The following AOC2 variants were observed in gnomAD, a reference collection of about 807,000 sequenced individuals.
AOC2 encodes the protein amine oxidase copper containing 2.
In AOC2, 57 loss-of-function variants were observed where a neutral mutation model predicts 53.8. The observed-to-expected ratio is 1.06, with a 90% CI of 0.86 to 1.32. AOC2 has a LOEUF of 1.32. Ranked by LOEUF, AOC2 falls within the 40% of genes most tolerant of loss-of-function variation. The probability of loss-of-function intolerance (pLI) is 0.00; values close to 1 mark genes in which losing one functional copy is unlikely to be tolerated. For missense variants in AOC2, 1,008 were observed against 957.2 expected, an observed-to-expected ratio of 1.05 and a Z score of -0.70; for synonymous variants, 404 against 399.0, an observed-to-expected ratio of 1.01 and a Z score of -0.15.
chr17:42,845,453 A>G lies in AOC2; in HGVS notation c.827A>G (p.Lys276Arg), dbSNP rs746615116. The G allele has an allele frequency of 5.0e-6, 8 of 1,614,028 alleles. No homozygotes were observed. Among genetic ancestry groups the G allele is most frequent in the Admixed American group, 1.7e-5 (1 of 60,006 alleles). ...TTGGGCCAGTTGGAACGGGAGTTTA[A>G]GTCTGGCCGGTTGGAAGTGGTTAGA... ...ADLGQLEREF[K>R]SGRLEVVRVP... Residue 276 changes from lysine (K) to arginine (R), a missense_variant, in exon 1 of 4, where the codon AAG (lysine) becomes AGG (arginine). Coordinates refer to ENST00000253799, the MANE Select transcript of AOC2 (RefSeq NM_009590.4).
At chr17:42,848,590 G>A (rs2055618592) in intron 1 of AOC2, among the ~76,000 whole-genome samples, 1 of 141,542 alleles carries the variant, frequency 7.1e-6, no homozygotes, top group Non-Finnish European at 1.5e-5. Flanking sequence ...TTGCTCTGTT[G>A]CCCAGGCTAG....
chr17:42,845,017 C>G lies in AOC2; in HGVS notation c.391C>G (p.Gln131Glu). 1 of 1,613,776 alleles carries G rather than the reference C, an allele frequency of 6.2e-7. No individual in the cohort carries two copies. Among genetic ancestry groups the G allele is most frequent in the Non-Finnish European group, 8.5e-7 (1 of 1,179,930 alleles). ...LAIVLFGGQP[Q>E]PNVSELVVGP... is the part of the protein sequence containing the mutation. ...CATCGTCCTCTTTGGTGGACAACCCCAACCCAATGTGAGTGAGCTGGTGGT... is the reference window on the plus strand; with the variant it reads ...CATCGTCCTCTTTGGTGGACAACCCGAACCCAATGTGAGTGAGCTGGTGGT... The change falls in exon 1 of 4, where the codon CAA (glutamine) becomes GAA (glutamate). Residue 131 changes from glutamine to glutamate, a missense_variant. By Grantham distance (29) the Gln-to-Glu change is conservative. Coordinates refer to ENST00000253799, the MANE Select transcript of AOC2 (RefSeq NM_009590.4).
In AOC2 at chr17:42,845,330, ACC is replaced by A; in HGVS notation, c.707_708del (p.Pro236ArgfsTer40). ...ATCTCAGGGGTTGGTCTTTTCCTTC[ACC>A]CCGTGGGGCTGGAGCTACTACTGGA... On this transcript the variant is annotated frameshift_variant, in exon 1 of 4. Coordinates refer to ENST00000253799, the MANE Select transcript of AOC2 (RefSeq NM_009590.4). LOFTEE classifies it high-confidence loss of function. 2 of 1,613,524 alleles carry A rather than the reference ACC, an allele frequency of 1.2e-6. No individual in the cohort carries two copies. Among genetic ancestry groups the A allele is most frequent in the Non-Finnish European group, 8.5e-7 (1 of 1,179,872 alleles).
At chr17:42,847,585 G>T (rs1333621298) in intron 1 of AOC2, among the ~76,000 whole-genome samples, 2 of 152,196 alleles carry the variant, frequency 1.3e-5, no homozygotes, top group East Asian at 3.8e-4. Flanking sequence ...TGAAGTCTCA[G>T]AGCTGGGAGG....
intron 1 of AOC2, among the ~76,000 whole-genome samples, chr17:42,848,062 G>C (rs927031106): frequency 7.2e-6 from 1 of 138,216 alleles, no homozygotes; most frequent in African/African-American, 3.1e-5. Flanking sequence ...TACCATGCCC[G>C]GCCTTTTTTT....
At chr17:42,849,417 C>T (rs2055628671) in intron 2 of AOC2, 46 bp downstream of exon 2, 1 of 1,594,584 alleles carries the variant, frequency 6.3e-7, no homozygotes, top group African/African-American at 1.3e-5. Context: ...CAGCCCCTCC[C>T]CTGCCCCAGT....
In AOC2 at chr17:42,850,083, A is replaced by T. The variant is rs745592498; in HGVS notation, c.2006A>T (p.Asp669Val). Residue 669 changes from aspartate (D) to valine (V), a missense_variant and splice_region_variant, in exon 4 of 4, where the codon GAT (aspartate) becomes GTT (valine). By Grantham distance (152) the Asp-to-Val change is radical (BLOSUM62 -3). Transcript: ENST00000253799. ...TCCAGCTCCTCCTTCTTCTTGCAGG[A>T]TCTGGTGGCTTGGGTCACAGCCAGC... ...FINNETLLGE[D>V]LVAWVTASFL... 29 of 1,612,560 alleles carry T rather than the reference A, an allele frequency of 1.8e-5. No individual in the cohort carries two copies. The highest frequency in any genetic ancestry group is 2.4e-5 in the Non-Finnish European group (28 of 1,178,784).
At position 42,850,019 on chromosome 17, in the gene AOC2, G is replaced by C; in HGVS notation, c.2005-63G>C. The C allele has an allele frequency of 2.5e-6, 4 of 1,569,310 alleles. No homozygotes were observed. In the South Asian group the frequency reaches 3.6e-5, roughly 14 times the overall value. On this transcript the variant is annotated intron_variant, in intron 3 of 3. Coordinates refer to ENST00000253799, the MANE Select transcript of AOC2 (RefSeq NM_009590.4). ...GGCTGAGACTGGAGGCTGGGATTGTGACTGAAGGGTGGTTCTTTGGGTCAC... is the reference window on the plus strand; with the variant it reads ...GGCTGAGACTGGAGGCTGGGATTGTCACTGAAGGGTGGTTCTTTGGGTCAC...
intron 1 of AOC2, among the ~76,000 whole-genome samples, chr17:42,847,676 C>T (rs1454377465): frequency 1.3e-5 from 2 of 151,842 alleles, no homozygotes; most frequent in African/African-American, 2.4e-5. Flanking sequence ...TGGAGTGCAG[C>T]GGTGCAATCA....
At chr17:42,848,996 C>T (rs1220050529) in intron 1 of AOC2, 90 bp from the exon 2 acceptor site, 2 of 1,348,760 alleles carry the variant, frequency 1.5e-6, no homozygotes, top group Non-Finnish European at 2.0e-6. Flanking sequence ...TTTTGTCACA[C>T]CAGTGCAGTG....
In AOC2 at chr17:42,849,136, G is replaced by GC; in HGVS notation, c.1644dup (p.Trp549LeufsTer39). On this transcript the variant is annotated frameshift_variant, in exon 2 of 4. Transcript: ENST00000253799. LOFTEE classifies it high-confidence loss of function. ...AGACGTGGTGTTTAAACCTGTGGCT[G>GC]CCCCCTGGAACCCGGAGCACTGGCT... The GC allele has an allele frequency of 1.2e-6, 2 of 1,614,024 alleles. No homozygotes were observed. Among genetic ancestry groups the GC allele is most frequent in the South Asian group, 1.1e-5 (1 of 91,070 alleles).
intron 1 of AOC2, among the ~76,000 whole-genome samples, chr17:42,846,986 A>C (rs2055604659): frequency 6.6e-6 from 1 of 152,224 alleles, no homozygotes; most frequent in Non-Finnish European, 1.5e-5. Flanking sequence ...GGGACAGGAA[A>C]TGACTGCCCA....
chr17:42,848,391 G>T (rs1001795441), intron 1 of AOC2, among the ~76,000 whole-genome samples: 1 of 151,450 alleles, frequency 6.6e-6, no homozygotes, highest in Non-Finnish European at 1.5e-5. Flanking sequence ...GGGACTGTTT[G>T]GTAGTCCAGT....
chr17:42,848,242 C>T (rs1439018520), intron 1 of AOC2, among the ~76,000 whole-genome samples: 2 of 151,714 alleles, frequency 1.3e-5, no homozygotes, highest in Non-Finnish European at 2.9e-5. Flanking sequence ...AGACAAATAT[C>T]ATTATCCCTT....
intron 1 of AOC2, among the ~76,000 whole-genome samples, chr17:42,846,649 C>T (rs1288549252): frequency 1.3e-5 from 2 of 151,988 alleles, no homozygotes; most frequent in Non-Finnish European, 2.9e-5. Context: ...TGTCCAGAGT[C>T]TTCAGGGTGG....
At position 42,846,059 on chromosome 17, in the gene AOC2, C is replaced by CACTT; in HGVS notation, c.1434_1437dup (p.Glu480ThrfsTer2). On this transcript the variant is annotated frameshift_variant, in exon 1 of 4. Coordinates refer to ENST00000253799, the MANE Select transcript of AOC2 (RefSeq NM_009590.4). LOFTEE classifies it high-confidence loss of function. ...GACTTTGTGTTGTACCCAAATGGGG[C>CACTT]ACTTGAAGGGCGGGTCCATGCCACG... is the stretch of plus-strand genomic sequence containing the variant. 2.5e-6 allele frequency: 4 copies of CACTT among 1,608,460 alleles called. No homozygotes were observed. The highest frequency in any genetic ancestry group is 3.4e-6 in the Non-Finnish European group (4 of 1,175,612).
At position 42,845,417 on chromosome 17, in the gene AOC2, A is replaced by G. The variant is rs1266315114; in HGVS notation, c.791A>G (p.Tyr264Cys). 3 of 1,614,100 alleles carry G rather than the reference A, an allele frequency of 1.9e-6. No homozygotes were observed. Among genetic ancestry groups the G allele is most frequent in the Non-Finnish European group, 2.5e-6 (3 of 1,180,008 alleles). The change falls in exon 1 of 4, where the codon TAC becomes TGC. Residue 264 changes from tyrosine to cysteine, a missense_variant. Physicochemically the swap from Tyr to Cys is radical, Grantham distance 194. Transcript: ENST00000253799. ...CAGCAGGTCTTCTACCTTGGGCACT[A>G]CTATGCAGACTTGGGCCAGTTGGAA... ...TVQQVFYLGHYYADLGQLERE... is the reference protein window; with the variant it reads ...TVQQVFYLGHCYADLGQLERE...
Position 42,845,287 on chromosome 17 carries a change from A to G in AOC2, c.661A>G (p.Met221Val). ...GCGCTCAGGGGACCGAGCTACCTGG[A>G]TGGCCCTCTACCATAACATCTCAGG... ...GLRSGDRATWMALYHNISGVG... is the reference protein window; with the variant it reads ...GLRSGDRATWVALYHNISGVG... Residue 221 changes from methionine to valine, a missense_variant, in exon 1 of 4, where the codon ATG (methionine) becomes GTG (valine). Physicochemically the swap from Met to Val is conservative, Grantham distance 21. Coordinates refer to ENST00000253799, the MANE Select transcript of AOC2 (RefSeq NM_009590.4). 1 of 1,614,096 alleles carries G rather than the reference A, an allele frequency of 6.2e-7. No individual in the cohort carries two copies. The highest frequency in any genetic ancestry group is 8.5e-7 in the Non-Finnish European group (1 of 1,180,024).
Position 42,850,069 on chromosome 17 carries a change from C to G in AOC2, c.2005-13C>G. On this transcript the variant is annotated splice_polypyrimidine_tract_variant and intron_variant, in intron 3 of 3. Coordinates refer to ENST00000253799, the MANE Select transcript of AOC2 (RefSeq NM_009590.4). ...CGCTTCCATAGTCCTCCAGCTCCTC[C>G]TTCTTCTTGCAGGATCTGGTGGCTT... 6.2e-7 allele frequency: 1 copy of G among 1,610,390 alleles called. No individual in the cohort carries two copies. Among genetic ancestry groups the G allele is most frequent in the Non-Finnish European group, 8.5e-7 (1 of 1,177,088 alleles).
Sources: gnomAD v4.1 joint callset for allele counts (sites outside exome capture counted in the v4.1 genomes callset) on GRCh38, gnomAD v4.1.1 for gene constraint, MANE v1.5 for transcripts, NCBI Gene and HGNC (gene_info 2026-07-23, HGNC 2026-07-21) for gene names.